Variants in PXDN observed in about 807,000 individuals in gnomAD.
PXDN encodes the protein peroxidasin homolog.
PXDN carries 77 observed loss-of-function variants against 140.3 expected under a neutral mutation model. The ratio of observed to expected loss-of-function variants is 0.55; its 90% confidence interval spans 0.46 to 0.66. The LOEUF (loss-of-function observed/expected upper bound fraction) is 0.66. PXDN is among the 30% of genes least tolerant of loss of function. The pLI, the probability that PXDN is intolerant of heterozygous loss-of-function variation, is 0.00. For synonymous variants in PXDN, 911 were observed against 857.4 expected, an observed-to-expected ratio of 1.06 and a Z score of -1.09; for missense variants, 1,838 against 2,039.5, an observed-to-expected ratio of 0.90 and a Z score of 1.90.
chr2:1,643,298 T>A (rs1421360521), intron 19 of PXDN, 70 bp downstream of exon 19: 7 of 1,468,286 alleles, frequency 4.8e-6, no homozygotes, highest in Admixed American at 1.7e-5. Flanking sequence ...TGCAGGTCAT[T>A]AAGCACCCGC....
rs957015161 is a variant in PXDN, at chr2:1,639,885, G to A, written c.3953-463C>T. On this transcript the variant is annotated intron_variant, in intron 19 of 22. Transcript: ENST00000252804. This position sits in a 1 kb window ranked among gnomAD's most constrained non-coding sequence, Gnocchi z 5.0. ...CCAGCCCCAGTGTCAGACAAGAGGCGGCCTGACCCTGCTTCTCCTGAATGT... is the reference window on the plus strand; with the variant it reads ...CCAGCCCCAGTGTCAGACAAGAGGCAGCCTGACCCTGCTTCTCCTGAATGT... 3.9e-5 allele frequency among the ~76,000 whole-genome samples: 6 copies of A among 152,198 alleles called. No individual in the cohort carries two copies. In the East Asian group the frequency reaches 5.8e-4, roughly 15 times the overall value.
chr2:1,656,141 T>C lies in PXDN; in HGVS notation c.1838-1633A>G, dbSNP rs549014060. On this transcript the variant is annotated intron_variant, in intron 14 of 22. Coordinates refer to ENST00000252804, the MANE Select transcript of PXDN (RefSeq NM_012293.3). ...CCAAACACCACACAAACACACAACA[T>C]ACACAAACACACCAAACCAAAGAAA... is the stretch of plus-strand genomic sequence containing the variant. Among the ~76,000 whole-genome samples the C allele has an allele frequency of 9.3e-5, 14 of 150,928 alleles. No individual in the cohort carries two copies. In the South Asian group the frequency reaches 3.0e-3, roughly 32 times the overall value.
rs1463639532 is a variant in PXDN, at chr2:1,643,481, T to A, written c.3839A>T (p.Asn1280Ile). The A allele has an allele frequency of 6.2e-7, 1 of 1,613,936 alleles. No homozygotes were observed. The highest frequency in any genetic ancestry group is 8.5e-7 in the Non-Finnish European group (1 of 1,179,894). Residue 1280 changes from asparagine to isoleucine, a missense_variant, in exon 19 of 23, where the codon AAC becomes ATC. Asn to Ile is a moderately radical substitution (Grantham distance 149). Transcript: ENST00000252804. ...CACGTCGCTCTGCACCCGGGTGATG[T>A]TGTCCGCGTTGTCGCATAGGATCCT... ...LARILCDNAD[N>I]ITRVQSDVFR...
At chr2:1,673,880 C>A in intron 8 of PXDN, 68 bp from the exon 9 acceptor site, 1 of 1,546,120 alleles carries the variant, frequency 6.5e-7, no homozygotes, top group South Asian at 1.1e-5. Flanking sequence ...CCATCCCCAG[C>A]ACAGGGGTTT....
intron 1 of PXDN, among the ~76,000 whole-genome samples, chr2:1,700,086 G>C (rs1444209334): frequency 6.6e-6 from 1 of 151,798 alleles, no homozygotes; most frequent in Non-Finnish European, 1.5e-5. Flanking sequence ...TTTTGACACA[G>C]AGTCTCACTC....
chr2:1,721,650 C>A (rs1220179591), intron 1 of PXDN, among the ~76,000 whole-genome samples: 7 of 152,176 alleles, frequency 4.6e-5, no homozygotes, highest in Non-Finnish European at 7.3e-5. Flanking sequence ...TACTGGCTAA[C>A]ACAGTGAAAC....
chr2:1,637,574 T>A (rs1396484120), intron 21 of PXDN, among the ~76,000 whole-genome samples: 1 of 132,052 alleles, frequency 7.6e-6, no homozygotes, highest in Non-Finnish European at 1.6e-5. Flanking sequence ...TGCCAGGCGA[T>A]GTACACCTAG....
At position 1,683,253 on chromosome 2, in the gene PXDN, A is replaced by C. The variant is rs866563838; in HGVS notation, c.560+403T>G. 6.2e-4 allele frequency among the ~76,000 whole-genome samples: 93 copies of C among 151,218 alleles called. 1 individual carries two copies. The highest frequency in any genetic ancestry group is 3.4e-3 in the Middle Eastern group (1 of 294). ...AAAGAAAGAAAAACCAAAAAAAAAAACCCACAAAATTACAAAACTTAGCTG... is the reference window on the plus strand; with the variant it reads ...AAAGAAAGAAAAACCAAAAAAAAAACCCCACAAAATTACAAAACTTAGCTG... On this transcript the variant is annotated intron_variant, in intron 6 of 22. Coordinates refer to ENST00000252804, the MANE Select transcript of PXDN (RefSeq NM_012293.3).
chr2:1,679,600 CGTGT>C (rs147685088), intron 7 of PXDN, among the ~76,000 whole-genome samples: 846 of 65,212 alleles, frequency 0.013, 23 homozygotes, highest in African/African-American at 0.033. Context: ...CGTGTATGTG[CGTGT>C]GTGTGTGTGT....
At position 1,667,978 on chromosome 2, in the gene PXDN, C is replaced by T. The variant is rs549970424; in HGVS notation, c.1019-1492G>A. Among the ~76,000 whole-genome samples the T allele has an allele frequency of 7.9e-5, 12 of 152,266 alleles. No homozygotes were observed. In the South Asian group the frequency reaches 2.5e-3, roughly 32 times the overall value. ...TTTAAATTTCATATGGACCAAAAAG[C>T]AGCCCGTATAGCCAAGACAATCTTA... On this transcript the variant is annotated intron_variant, in intron 9 of 22. Transcript: ENST00000252804.
intron 9 of PXDN, among the ~76,000 whole-genome samples, chr2:1,670,977 G>A (rs1441895991): frequency 6.6e-6 from 1 of 152,212 alleles, no homozygotes; most frequent in Non-Finnish European, 1.5e-5. Flanking sequence ...GAAGGAAGGT[G>A]ATCCCCGACA....
At chr2:1,744,554 G>C (rs988013988), upstream of PXDN, 5 of 1,005,258 alleles carry the variant, frequency 5.0e-6, no homozygotes, top group African/African-American at 8.5e-5. Context: ...CTGTGCGCGG[G>C]GGGCGGGGGG....
chr2:1,715,255 AGAGCC>A (rs1169222485), intron 1 of PXDN, among the ~76,000 whole-genome samples: 3 of 152,150 alleles, frequency 2.0e-5, no homozygotes, highest in African/African-American at 7.2e-5. Flanking sequence ...GAGAGGGGAA[AGAGCC>A]GACGGTCATC....
At position 1,648,545 on chromosome 2, in the gene PXDN, G is replaced by A. The variant is rs763386127; in HGVS notation, c.3235C>T (p.Pro1079Ser). The stretch of plus-strand genomic sequence containing the variant: ...TTCTCGTCCAGCCGGTAAAGCAGTG[G>A]GTTGACAAGCGTGTGGCCAAACCTG... ...AFRFGHTLVN[P>S]LLYRLDENFQ... The change falls in exon 17 of 23, where the codon CCA becomes TCA. Residue 1079 changes from proline (P) to serine (S), a missense_variant. This residue lies in a region of PXDN where 850 missense variants were observed against 894.1 expected (regional missense o/e 0.95). Coordinates refer to ENST00000252804, the MANE Select transcript of PXDN (RefSeq NM_012293.3). The surrounding 1 kb of genome is among the most constrained non-coding windows in gnomAD (Gnocchi z 8.9). 1 of 1,613,740 alleles carries A rather than the reference G, an allele frequency of 6.2e-7. No homozygotes were observed. Among genetic ancestry groups the A allele is most frequent in the Non-Finnish European group, 8.5e-7 (1 of 1,179,904 alleles).
Position 1,639,150 on chromosome 2 carries a change from A to C in PXDN, c.4073+152T>G, listed in dbSNP as rs1682651761. Reference sequence around the variant, plus strand: ...TGCTCTGAGTGGGCAGCACAGCAGGACGCAGGCTGCGGCCTGGCCCCCAGT... The same window carrying C: ...TGCTCTGAGTGGGCAGCACAGCAGGCCGCAGGCTGCGGCCTGGCCCCCAGT... On this transcript the variant is annotated intron_variant, in intron 20 of 22. Coordinates refer to ENST00000252804, the MANE Select transcript of PXDN (RefSeq NM_012293.3). The surrounding 1 kb of genome is among the most constrained non-coding windows in gnomAD (Gnocchi z 5.0). Among the ~76,000 whole-genome samples the C allele has an allele frequency of 6.6e-6, 1 of 151,926 alleles. No homozygotes were observed. Among genetic ancestry groups the C allele is most frequent in the East Asian group, 2.0e-4 (1 of 5,066 alleles).
rs112235606 is a variant in PXDN, at chr2:1,666,320, G to A, written c.1185C>T (p.Gly395=). The change falls in exon 10 of 23, where the codon GGC becomes GGT. Residue 395 remains glycine (G), a synonymous_variant. Coordinates refer to ENST00000252804, the MANE Select transcript of PXDN (RefSeq NM_012293.3). ...GTACGACGTTCTGTATGTAAAGCCC[G>A]CCAGAAGGCGTGATGTTCACCCGCG... ...VDPRVNITPS[G]GLYIQNVVQG... is the part of the protein sequence containing the mutation. The A allele has an allele frequency of 3.8e-5, 61 of 1,613,920 alleles. No homozygotes were observed. The highest frequency in any genetic ancestry group is 1.5e-4 in the African/African-American group (11 of 74,928).
Position 1,654,421 on chromosome 2 carries a change from G to T in PXDN, c.1925C>A (p.Thr642Asn). 2 of 1,613,332 alleles carry T rather than the reference G, an allele frequency of 1.2e-6. No individual in the cohort carries two copies. The highest frequency in any genetic ancestry group is 8.5e-7 in the Non-Finnish European group (1 of 1,179,310). Residue 642 changes from threonine to asparagine, a missense_variant, in exon 15 of 23, where the codon ACC becomes AAC. Physicochemically the swap from Thr to Asn is moderately conservative, Grantham distance 65. Transcript: ENST00000252804. ...ATACCTGTCAAACAAATGTGTTCGG[G>T]TTGAGTTTATAGCTCTGTCAACAGT... ...IATVDRAINS[T>N]RTHLFDSRPR...
rs1685183210 is a variant in PXDN, at chr2:1,726,322, G to GC, written c.200+17933dup. 1.1e-4 allele frequency among the ~76,000 whole-genome samples: 17 copies of GC among 149,558 alleles called. No homozygotes were observed. The South Asian group carries it at 3.6e-3, about 32-fold the overall frequency. ...AAATCATCATTCTCAGTAAACTATC[G>GC]CAAGAACAAAAAACCAAACACCGCA... On this transcript the variant is annotated intron_variant, in intron 1 of 22. Transcript: ENST00000252804.
chr2:1,741,927 C>T (rs1685553653), intron 1 of PXDN, among the ~76,000 whole-genome samples: 1 of 152,098 alleles, frequency 6.6e-6, no homozygotes, highest in South Asian at 2.1e-4. Context: ...CCCCAGAGAC[C>T]CCTCAACAGG....
Sources: allele counts gnomAD v4.1 joint callset (sites outside exome capture counted in the v4.1 genomes callset), GRCh38; gene constraint gnomAD v4.1.1; regional missense constraint gnomAD v4.1.1; non-coding constraint Gnocchi (gnomAD v3.1); transcripts MANE v1.5; gene names NCBI Gene and HGNC (gene_info 2026-07-23, HGNC 2026-07-21).